AGBL1: variants seen among roughly 807,000 people sequenced by gnomAD.
The protein encoded by AGBL1 is AGBL carboxypeptidase 1.
A neutral mutation model predicts 118.9 loss-of-function variants in AGBL1; 130 were observed. The ratio of observed to expected loss-of-function variants is 1.09; its 90% CI spans 0.95 to 1.26. The LOEUF is 1.26. Ranked by LOEUF, AGBL1 falls within the 50% of genes most tolerant of loss-of-function variation. The pLI, the probability that AGBL1 is intolerant of heterozygous loss-of-function variation, is 0.00. For missense variants in AGBL1, 1,584 were observed against 1,298.1 expected (o/e 1.22, Z -3.38); for synonymous variants, 555 against 478.9 (o/e 1.16, Z -2.08).
At chr15:86,214,507 T>C (rs1212390011) in intron 5 of AGBL1, among the ~76,000 whole-genome samples, 5 of 152,248 alleles carry the variant, frequency 3.3e-5, no homozygotes, top group African/African-American at 9.6e-5. Flanking sequence ...TTTTGAATTG[T>C]TTAAGGAAGT....
At chr15:86,382,098 A>T (rs2141962205) in intron 17 of AGBL1, among the ~76,000 whole-genome samples, 1 of 152,176 alleles carries the variant, frequency 6.6e-6, no homozygotes, top group Non-Finnish European at 1.5e-5. Flanking sequence ...TTTCCAGAAG[A>T]GTTGACTAGA....
intron 24 of AGBL1, chr15:87,028,765 C>G (rs1456355770): frequency 2.0e-6 from 3 of 1,534,924 alleles, no homozygotes; most frequent in Non-Finnish European, 2.7e-6. Context: ...ACTTGTGGCA[C>G]AAACCAGAAG....
At chr15:86,563,048 G>T (rs1201531803) in intron 21 of AGBL1, among the ~76,000 whole-genome samples, 3 of 151,548 alleles carry the variant, frequency 2.0e-5, no homozygotes, top group Admixed American at 1.3e-4. Context: ...TTCTTTATTA[G>T]TCTTGCTAGC....
At chr15:86,422,658 A>AT (rs913263742) in intron 18 of AGBL1, among the ~76,000 whole-genome samples, 19 of 151,988 alleles carry the variant, frequency 1.3e-4, no homozygotes, top group Middle Eastern at 3.4e-3. Context: ...CCAGGAGCTG[A>AT]TTTTTTTTGA....
At chr15:86,853,981 G>A (rs763839430) in intron 22 of AGBL1, among the ~76,000 whole-genome samples, 10 of 152,146 alleles carry the variant, frequency 6.6e-5, no homozygotes, top group Admixed American at 5.2e-4. Context: ...CCCAAGAGCC[G>A]TAAAAGTGGA....
intron 21 of AGBL1, among the ~76,000 whole-genome samples, chr15:86,582,685 A>G (rs2084186966): frequency 6.6e-6 from 1 of 152,158 alleles, no homozygotes; most frequent in South Asian, 2.1e-4. Flanking sequence ...GCAGCCATGA[A>G]AAAGGATGAG....
intron 21 of AGBL1, among the ~76,000 whole-genome samples, chr15:86,563,015 T>C (rs547727724): frequency 0.022 from 3,418 of 152,118 alleles, 61 homozygotes; most frequent in Middle Eastern, 0.075. Context: ...TTTATTGCGT[T>C]TATTTGATTC....
At chr15:86,543,218 A>G (rs1302136318) in intron 19 of AGBL1, among the ~76,000 whole-genome samples, 2 of 148,592 alleles carry the variant, frequency 1.3e-5, no homozygotes, top group Non-Finnish European at 3.1e-5. Flanking sequence ...TACAATATCT[A>G]TCTTTAATTA....
intron 22 of AGBL1, among the ~76,000 whole-genome samples, chr15:86,776,475 T>G (rs2078256580): frequency 6.6e-6 from 1 of 152,092 alleles, no homozygotes. Flanking sequence ...TTAATATGCT[T>G]TGTCCATTTT....
intron 21 of AGBL1, among the ~76,000 whole-genome samples, chr15:86,557,548 T>A (rs535207310): frequency 3.3e-5 from 5 of 152,180 alleles, no homozygotes; most frequent in African/African-American, 4.8e-5. Context: ...AACTTGTGTT[T>A]AAATTCTCTA....
intron 5 of AGBL1, among the ~76,000 whole-genome samples, chr15:86,168,186 C>T (rs1407600373): frequency 6.6e-6 from 1 of 152,102 alleles, no homozygotes; most frequent in Non-Finnish European, 1.5e-5. Context: ...TTGATACATG[C>T]ACACATTAGC....
intron 21 of AGBL1, among the ~76,000 whole-genome samples, chr15:86,564,070 T>C (rs983735455): frequency 1.3e-5 from 2 of 152,222 alleles, no homozygotes; most frequent in African/African-American, 4.8e-5. Flanking sequence ...CGGATGGGTC[T>C]TGACTCTTTA....
At chr15:86,201,671 G>A (rs2077909301) in intron 5 of AGBL1, among the ~76,000 whole-genome samples, 1 of 152,176 alleles carries the variant, frequency 6.6e-6, no homozygotes, top group South Asian at 2.1e-4. Flanking sequence ...CAGCTGGAGG[G>A]AGGAGAGGGG....
At chr15:86,751,872 C>A (rs1596448143) in intron 22 of AGBL1, among the ~76,000 whole-genome samples, 1 of 152,000 alleles carries the variant, frequency 6.6e-6, no homozygotes, top group Non-Finnish European at 1.5e-5. Context: ...TGGTAAAGCC[C>A]TTTTAGGGAA....
At chr15:86,313,009 C>T (rs2079943212) in intron 17 of AGBL1, among the ~76,000 whole-genome samples, 1 of 152,224 alleles carries the variant, frequency 6.6e-6, no homozygotes, top group Non-Finnish European at 1.5e-5. Context: ...ATTCTAAAAA[C>T]TTTAAGCTGC....
intron 21 of AGBL1, among the ~76,000 whole-genome samples, chr15:86,587,008 A>C (rs1360591920): frequency 2.6e-5 from 4 of 152,138 alleles, no homozygotes; most frequent in African/African-American, 9.7e-5. Flanking sequence ...CATATGAGGA[A>C]GTAAAAAGGT....
intron 22 of AGBL1, among the ~76,000 whole-genome samples, chr15:86,721,765 T>G (rs904643702): frequency 3.3e-5 from 5 of 152,210 alleles, no homozygotes; most frequent in African/African-American, 1.2e-4. Flanking sequence ...CCCCATTGTC[T>G]CAGCCCAAAA....
intron 5 of AGBL1, among the ~76,000 whole-genome samples, chr15:86,197,051 C>T (rs1263774901): frequency 6.6e-6 from 1 of 152,160 alleles, no homozygotes; most frequent in African/African-American, 2.4e-5. Flanking sequence ...ATTTCTGTTG[C>T]TTAACCCACC....
chr15:86,914,353 C>T lies in AGBL1; in HGVS notation c.*7059C>T, dbSNP rs1206259221. 1.3e-5 allele frequency: 2 copies of T among 152,186 alleles called. No homozygotes were observed. The highest frequency in any genetic ancestry group is 2.9e-5 in the Non-Finnish European group (2 of 68,026). 9.4% of individuals were successfully genotyped at this position (152,186 alleles called of 1,614,324 possible). ...TCACATAAGTGACTCATTTCACTCT[C>T]AGTACCAGCTCTGTGGGATAAATGG... On this transcript the variant is annotated 3_prime_UTR_variant, in exon 23 of 23. Transcript: ENST00000614907.
Sources: gnomAD v4.1 joint callset for allele counts (sites outside exome capture counted in the v4.1 genomes callset) on GRCh38, gnomAD v4.1.1 for gene constraint, MANE v1.5 for transcripts, NCBI Gene and HGNC (gene_info 2026-07-23, HGNC 2026-07-21) for gene names.